DMD: variants seen among roughly 807,000 people sequenced by gnomAD.
DMD encodes the protein dystrophin, also known as mutant dystrophin.
In DMD, 63 loss-of-function variants were observed where a neutral mutation model predicts 330.1. That is an observed-to-expected ratio of 0.19 (90% confidence interval 0.16 to 0.24). The LOEUF is 0.24. Ranked by LOEUF, DMD falls within the 10% of genes least tolerant of loss-of-function variation. The pLI is 1.00. For synonymous variants in DMD, 1,223 were observed against 959.8 expected (o/e 1.27, Z -5.07); for missense variants, 3,344 against 2,684.1 (o/e 1.25, Z -5.43).
chrX:32,807,229 A>G (rs1469449909), intron 7 of DMD, among the ~76,000 whole-genome samples: 3 of 108,768 alleles, frequency 2.8e-5, no homozygotes, highest in African/African-American at 1.0e-4. Flanking sequence ...AGAAAAATAG[A>G]GAAGAATCAA....
intron 7 of DMD, among the ~76,000 whole-genome samples, chrX:32,773,118 C>T (rs988541132): frequency 2.0e-4 from 22 of 112,030 alleles, no homozygotes; most frequent in African/African-American, 6.8e-4. Context: ...ACAAGCTCAG[C>T]TTTGGGTGAT....
intron 44 of DMD, among the ~76,000 whole-genome samples, chrX:32,052,508 C>A (rs7059099): frequency 9.1e-6 from 1 of 110,011 alleles, no homozygotes; most frequent in Non-Finnish European, 1.9e-5. Context: ...CCCACTTTAC[C>A]GGTCTTCTCA....
intron 19 of DMD, among the ~76,000 whole-genome samples, chrX:32,496,489 C>T (rs1181887064): frequency 1.8e-5 from 2 of 111,728 alleles, no homozygotes; most frequent in South Asian, 3.7e-4. Flanking sequence ...AGTAATACCC[C>T]TAGTGAGGGC....
intron 1 of DMD, chrX:33,128,542 C>G (rs2095478807): frequency 1.4e-6 from 1 of 697,308 alleles, no homozygotes; most frequent in Non-Finnish European, 1.7e-6. Flanking sequence ...ACTGTGTCGT[C>G]TGCTTTATAT....
chrX:32,965,652 A>G (rs1467324862), intron 2 of DMD, among the ~76,000 whole-genome samples: 1 of 111,480 alleles, frequency 9.0e-6, no homozygotes, highest in Non-Finnish European at 1.9e-5. Flanking sequence ...AATAATGGTT[A>G]GAGCTAATGA....
At chrX:31,284,557 T>TTTTTTCTTCTTCTTTCTTCTTTCTTC (rs2052885922) in intron 62 of DMD, among the ~76,000 whole-genome samples, 1 of 78,066 alleles carries the variant, frequency 1.3e-5, no homozygotes, top group African/African-American at 5.2e-5. Flanking sequence ...TAACGAACTG[T>TTTTTTCTTCTTCTTTCTTCTTTCTTC]TTCTTCTTCT....
rs1288154724 is a variant in DMD, at chrX:31,532,176, A to G, written c.8218-24723T>C. ...CTCGAGAAGAGCAACTCCAAGACAC[A>G]TAATTGTCAGATTCACCAAGTTGAA... is the stretch of plus-strand genomic sequence containing the variant. On this transcript the variant is annotated intron_variant, in intron 55 of 78. Coordinates refer to ENST00000357033, the MANE Select transcript of DMD (RefSeq NM_004006.3). Among the ~76,000 whole-genome samples the G allele has an allele frequency of 4.0e-4, 40 of 99,783 alleles. 3 individuals carry two copies. The highest frequency in any genetic ancestry group is 1.5e-3 in the African/African-American group (39 of 25,411). 86.6% of individuals were successfully genotyped at this position (99,783 alleles called of 115,157 possible).
chrX:32,180,716 G>A (rs1273835671), intron 44 of DMD, among the ~76,000 whole-genome samples: 3 of 111,541 alleles, frequency 2.7e-5, no homozygotes, highest in Non-Finnish European at 5.7e-5. Flanking sequence ...ACTTACCATC[G>A]TGGCATAAGG....
chrX:33,079,444 A>T (rs1341384727), intron 1 of DMD, among the ~76,000 whole-genome samples: 1 of 111,977 alleles, frequency 8.9e-6, no homozygotes, highest in Non-Finnish European at 1.9e-5. Context: ...ATAGCCATTT[A>T]ACATAATTAC....
chrX:31,520,900 C>T (rs1272097544), intron 55 of DMD, among the ~76,000 whole-genome samples: 1 of 110,675 alleles, frequency 9.0e-6, no homozygotes, highest in Non-Finnish European at 1.9e-5. Context: ...AGGATGGTCT[C>T]GATCTCCTGA....
intron 7 of DMD, among the ~76,000 whole-genome samples, chrX:32,745,746 T>A (rs1247761727): frequency 2.7e-5 from 3 of 112,481 alleles, no homozygotes; most frequent in Non-Finnish European, 5.6e-5. Flanking sequence ...AAAACCCTGC[T>A]TATAGTAATG....
chrX:31,641,199 A>G (rs765889172), intron 54 of DMD, among the ~76,000 whole-genome samples: 1 of 111,495 alleles, frequency 9.0e-6, no homozygotes, highest in East Asian at 2.8e-4. Context: ...GCAGAGGTAG[A>G]GATAAAAAGA....
intron 13 of DMD, among the ~76,000 whole-genome samples, chrX:32,591,997 C>G (rs808553): frequency 0.44 from 48,558 of 111,361 alleles, 8,643 homozygotes; most frequent in African/African-American, 0.69. Flanking sequence ...TGCTGCCTTG[C>G]GCCCGTCTGG....
chrX:32,108,803 G>A, intron 44 of DMD, among the ~76,000 whole-genome samples: 2 of 111,530 alleles, frequency 1.8e-5, no homozygotes, highest in Non-Finnish European at 3.8e-5. Flanking sequence ...TAAATAACGT[G>A]AGGTTTTTTA....
chrX:33,118,142 G>A (rs1025045112), intron 1 of DMD, among the ~76,000 whole-genome samples: 1 of 95,593 alleles, frequency 1.0e-5, no homozygotes, highest in African/African-American at 3.9e-5. Flanking sequence ...ACGGAGTCTC[G>A]CTCTGTCGCC....
chrX:32,326,514 G>C (rs948641115), intron 41 of DMD, among the ~76,000 whole-genome samples: 1 of 112,936 alleles, frequency 8.9e-6, no homozygotes, highest in Non-Finnish European at 1.9e-5. Flanking sequence ...TGTAAATATA[G>C]AGATATAAGT....
intron 19 of DMD, among the ~76,000 whole-genome samples, chrX:32,500,533 G>A (rs1041340909): frequency 5.4e-5 from 6 of 111,529 alleles, no homozygotes; most frequent in African/African-American, 1.3e-4. Flanking sequence ...TCTTGCATCA[G>A]CTTATTAAAA....
chrX:31,933,974 C>G (rs1434045415), intron 45 of DMD, among the ~76,000 whole-genome samples: 1 of 98,264 alleles, frequency 1.0e-5, no homozygotes, highest in East Asian at 3.1e-4. Flanking sequence ...TTTTTTTTTG[C>G]TTCAAATTAA....
intron 26 of DMD, among the ~76,000 whole-genome samples, chrX:32,453,397 C>A (rs1266762398): frequency 9.0e-6 from 1 of 110,706 alleles, no homozygotes; most frequent in Non-Finnish European, 1.9e-5. Flanking sequence ...TTTATACACA[C>A]ATAATATTTA....
Sources: gnomAD v4.1 joint callset for allele counts (sites outside exome capture counted in the v4.1 genomes callset) on GRCh38, gnomAD v4.1.1 for gene constraint, MANE v1.5 for transcripts, NCBI Gene and HGNC (gene_info 2026-07-23, HGNC 2026-07-21) for gene names.